The following KRT82 variants were observed in gnomAD, a reference collection of about 807,000 sequenced individuals.
KRT82 encodes the protein keratin 82, also known as keratin, type II cuticular Hb2.
Under a neutral mutation model 48.0 loss-of-function variants are expected in KRT82, and 44 were observed. The observed-to-expected ratio is 0.92, with a 90% CI of 0.72 to 1.18. KRT82 has a LOEUF of 1.18. KRT82 is among the 50% of genes most tolerant of loss of function. The probability of loss-of-function intolerance (pLI) is 0.00; values close to 1 mark genes in which losing one functional copy is unlikely to be tolerated. For synonymous variants in KRT82, 297 were observed against 278.3 expected (o/e 1.07, Z -0.67); for missense variants, 701 against 671.4 (o/e 1.04, Z -0.49).
At position 52,395,743 on chromosome 12, in the gene KRT82, TG is replaced by T; in HGVS notation, c.1321+15del. The T allele has an allele frequency of 1.3e-6, 2 of 1,559,180 alleles. No homozygotes were observed. Among genetic ancestry groups the T allele is most frequent in the Non-Finnish European group, 1.7e-6 (2 of 1,157,090 alleles). ...CCAAGACTCCAGAGCCAGTGGGGCA[TG>T]GCTCATCTACTTACAGATATTCACG... On this transcript the variant is annotated intron_variant, in intron 8 of 8. Coordinates refer to ENST00000257974, the MANE Select transcript of KRT82 (RefSeq NM_033033.4).
At chr12:52,399,149 T>C (rs2121474126) in intron 5 of KRT82, among the ~76,000 whole-genome samples, 1 of 152,328 alleles carries the variant, frequency 6.6e-6, no homozygotes, top group Middle Eastern at 3.4e-3. Context: ...TAATTGAAAC[T>C]GCACTCCAAC....
At chr12:52,405,082 C>T (rs1027039212) in intron 1 of KRT82, among the ~76,000 whole-genome samples, 10 of 152,222 alleles carry the variant, frequency 6.6e-5, no homozygotes, top group African/African-American at 2.4e-4. Flanking sequence ...GGGATGGACC[C>T]AGAGGCTGTT....
Position 52,406,282 on chromosome 12 carries a change from G to A in KRT82, c.-5C>T. Reference sequence around the variant, plus strand: ...CTGGAAAGAGTGGTACGACATGGCAGGAGAGAGAGGCAGAGAAATGCGGCC... The same window carrying A: ...CTGGAAAGAGTGGTACGACATGGCAAGAGAGAGAGGCAGAGAAATGCGGCC... On this transcript the variant is annotated 5_prime_UTR_variant, in exon 1 of 9. Coordinates refer to ENST00000257974, the MANE Select transcript of KRT82 (RefSeq NM_033033.4). 6.3e-7 allele frequency: 1 copy of A among 1,575,616 alleles called. No individual in the cohort carries two copies. The highest frequency in any genetic ancestry group is 8.6e-7 in the Non-Finnish European group (1 of 1,159,040).
intron 1 of KRT82, 102 bp downstream of exon 1, chr12:52,405,765 C>A (rs1939843601): frequency 8.1e-7 from 1 of 1,238,488 alleles, no homozygotes; most frequent in Non-Finnish European, 1.1e-6. Context: ...AAACTGAGGC[C>A]TCCTCAATGT....
Position 52,403,125 on chromosome 12 carries a change from G to T in KRT82, c.620+576C>A, listed in dbSNP as rs569474783. Reference sequence around the variant, plus strand: ...GAGCTCATCCTCAGGGGGAGCAAGTGTGGCAGAAGACAAAACAGGAACCAC... The same window carrying T: ...GAGCTCATCCTCAGGGGGAGCAAGTTTGGCAGAAGACAAAACAGGAACCAC... On this transcript the variant is annotated intron_variant, in intron 2 of 8. Coordinates refer to ENST00000257974, the MANE Select transcript of KRT82 (RefSeq NM_033033.4). Among the ~76,000 whole-genome samples the T allele has an allele frequency of 3.1e-4, 47 of 152,356 alleles. No individual in the cohort carries two copies. In the South Asian group the frequency reaches 9.7e-3, roughly 32 times the overall value.
At chr12:52,403,586 G>A in intron 2 of KRT82, 115 bp downstream of exon 2, 1 of 720,490 alleles carries the variant, frequency 1.4e-6, no homozygotes, top group Admixed American at 2.2e-5. Context: ...TAACTGTTCT[G>A]CCACCCAGTG....
intron 5 of KRT82, among the ~76,000 whole-genome samples, chr12:52,399,530 C>A (rs1197865533): frequency 1.3e-5 from 2 of 152,242 alleles, no homozygotes; most frequent in African/African-American, 4.8e-5. Flanking sequence ...TCCAAGCAAG[C>A]CCCTAATTAT....
chr12:52,397,938 T>C (rs1939736137), intron 5 of KRT82, among the ~76,000 whole-genome samples: 1 of 152,182 alleles, frequency 6.6e-6, no homozygotes, highest in African/African-American at 2.4e-5. Context: ...TCCCAGCTAC[T>C]TGGGAGGCTG....
chr12:52,395,108 C>G lies in KRT82; in HGVS notation c.1409G>C (p.Gly470Ala), dbSNP rs1026351856. ...VLSTGVLRSN[G>A]GCSIVGTGEL... ...ACCAGTGCCCACGATGCTGCAGCCC[C>G]CATTGCTCCTGAGGACGCCAGTGCT... The change falls in exon 9 of 9, where the codon GGG (glycine) becomes GCG (alanine). Residue 470 changes from glycine to alanine, a missense_variant. Gly to Ala is a moderately conservative substitution (Grantham distance 60). Transcript: ENST00000257974. 1.9e-6 allele frequency: 3 copies of G among 1,613,954 alleles called. No individual in the cohort carries two copies. The highest frequency in any genetic ancestry group is 1.7e-6 in the Non-Finnish European group (2 of 1,179,996).
intron 5 of KRT82, among the ~76,000 whole-genome samples, chr12:52,399,201 G>C (rs1459243871): frequency 1.3e-5 from 2 of 152,136 alleles, no homozygotes; most frequent in African/African-American, 2.4e-5. Flanking sequence ...CCTAGCACTT[G>C]GTATCACAGT....
At position 52,406,053 on chromosome 12, in the gene KRT82, C is replaced by A. The variant is rs1165940547; in HGVS notation, c.225G>T (p.Leu75=). Residue 75 remains leucine (L), a synonymous_variant, in exon 1 of 9, where the codon CTG becomes CTT. Transcript: ENST00000257974. Reference sequence around the variant, plus strand: ...CTCCCAGTCGGTACCCGAAGCCAGGCAGGGTACCTCCACACCTGGAGGCTA... The same window carrying A: ...CTCCCAGTCGGTACCCGAAGCCAGGAAGGGTACCTCCACACCTGGAGGCTA... The part of the protein sequence containing the change: ...PRVASRCGGT[L]PGFGYRLGAT... The A allele has an allele frequency of 6.2e-7, 1 of 1,613,974 alleles. No homozygotes were observed. Among genetic ancestry groups the A allele is most frequent in the Non-Finnish European group, 8.5e-7 (1 of 1,180,020 alleles).
chr12:52,404,030 T>C (rs1449585871), intron 1 of KRT82, 121 bp from the exon 2 acceptor site: 2 of 968,458 alleles, frequency 2.1e-6, no homozygotes, highest in Non-Finnish European at 3.0e-6. Context: ...CACTAGAATT[T>C]GCAAAAATCA....
In KRT82 at chr12:52,400,479, C is replaced by T. The variant is rs1205496279; in HGVS notation, c.777+48G>A. 3 of 1,434,522 alleles carry T rather than the reference C, an allele frequency of 2.1e-6. No individual in the cohort carries two copies. In the African/African-American group the frequency reaches 4.2e-5, roughly 20 times the overall value. 88.9% of individuals were successfully genotyped at this position (1,434,522 alleles called of 1,614,324 possible). On this transcript the variant is annotated intron_variant, in intron 4 of 8. Transcript: ENST00000257974. ...CGGCCACTCTGCTGCCCTCTCGATC[C>T]CTTGGCTCCAGCCCTGACTAACCAC...
intron 8 of KRT82, 122 bp downstream of exon 8, chr12:52,395,637 G>A (rs1939701825): frequency 2.8e-6 from 2 of 704,602 alleles, no homozygotes; most frequent in African/African-American, 1.8e-5. Context: ...ACGGCAGACA[G>A]AGCTCTTCCT....
Position 52,406,215 on chromosome 12 carries a change from C to T in KRT82, c.63G>A (p.Ser21=), listed in dbSNP as rs558524531. 24 of 1,612,198 alleles carry T rather than the reference C, an allele frequency of 1.5e-5. No homozygotes were observed. Among genetic ancestry groups the T allele is most frequent in the Middle Eastern group, 3.3e-4 (2 of 6,060 alleles). Reference sequence around the variant, plus strand: ...GGGTGACCATCCGGGGCATGACAGCCGAGTATGAGCTGAAACTCTGACTGC... The same window carrying T: ...GGGTGACCATCCGGGGCATGACAGCTGAGTATGAGCTGAAACTCTGACTGC... The part of the protein sequence containing the change: ...RCGSQSFSSY[S]AVMPRMVTHY... Residue 21 remains serine (S), a synonymous_variant, in exon 1 of 9, where the codon TCG becomes TCA. Transcript: ENST00000257974.
chr12:52,401,494 C>G (rs1939790630), intron 2 of KRT82, 145 bp from the exon 3 acceptor site: 6 of 691,120 alleles, frequency 8.7e-6, no homozygotes, highest in Non-Finnish European at 1.5e-5. Flanking sequence ...CTTGGCAACT[C>G]TAGCTCCTCC....
chr12:52,405,927 CTT>C lies in KRT82; in HGVS notation c.349_350del (p.Lys117GlufsTer3), dbSNP rs746234724. The C allele has an allele frequency of 2.5e-6, 4 of 1,614,116 alleles. No homozygotes were observed. The African/African-American group carries it at 5.3e-5, about 22-fold the overall frequency. ...ACTTGATCTGCTCCTTCTCATCCCT[CTT>C]TACCCTCTGCACAGTCGGGTCTATC... is the stretch of plus-strand genomic sequence containing the variant. Reference protein sequence around the residue: ...LEIDPTVQRVKRDEKEQIKCL... With the variant: ...LEIDPTVQRVXRDEKEQIKCL... On this transcript the variant is annotated frameshift_variant, in exon 1 of 9. Coordinates refer to ENST00000257974, the MANE Select transcript of KRT82 (RefSeq NM_033033.4). LOFTEE classifies it high-confidence loss of function.
At chr12:52,396,277 C>A in intron 6 of KRT82, 45 bp from the exon 7 acceptor site, 1 of 1,554,666 alleles carries the variant, frequency 6.4e-7, no homozygotes, top group East Asian at 2.3e-5. Context: ...CCCTGGAGCC[C>A]CAAGCCAGAC....
In KRT82 at chr12:52,394,780, G is replaced by T; in HGVS notation, c.*195C>A. 1.6e-6 allele frequency: 1 copy of T among 607,528 alleles called. No individual in the cohort carries two copies. Among genetic ancestry groups the T allele is most frequent in the East Asian group, 2.8e-5 (1 of 36,326 alleles). 37.6% of individuals were successfully genotyped at this position (607,528 alleles called of 1,614,324 possible). ...CCTAGCTGAGGGTCTGCACACAGGT[G>T]AGTGGAAGGTGACTCATGAGGCAAA... is the stretch of plus-strand genomic sequence containing the variant. On this transcript the variant is annotated 3_prime_UTR_variant, in exon 9 of 9. Coordinates refer to ENST00000257974, the MANE Select transcript of KRT82 (RefSeq NM_033033.4).
Sources: allele counts gnomAD v4.1 joint callset (sites outside exome capture counted in the v4.1 genomes callset), GRCh38; gene constraint gnomAD v4.1.1; transcripts MANE v1.5; gene names NCBI Gene and HGNC (gene_info 2026-07-23, HGNC 2026-07-21).